Variants in HELB observed in about 807,000 individuals in gnomAD.
HELB encodes the protein DNA 5'-3' helicase B.
Under a neutral mutation model 101.7 loss-of-function variants are expected in HELB, and 96 were observed. That is an observed-to-expected ratio of 0.94 (90% CI 0.80 to 1.12). The LOEUF (loss-of-function observed/expected upper bound fraction) is 1.12, where lower values mean the gene tolerates loss of function less well. Ranked by LOEUF, HELB falls within the 50% of genes most tolerant of loss-of-function variation. The pLI is 0.00. For missense variants in HELB, 1,210 were observed against 1,291.9 expected, an observed-to-expected ratio of 0.94 and a Z score of 0.97; for synonymous variants, 437 against 459.7, an observed-to-expected ratio of 0.95 and a Z score of 0.63.
intron 1 of HELB, among the ~76,000 whole-genome samples, chr12:66,303,628 C>T (rs1336201605): frequency 6.6e-6 from 1 of 152,014 alleles, no homozygotes; most frequent in Non-Finnish European, 1.5e-5. Flanking sequence ...AATGAAACTC[C>T]ATCTCAAAAA....
chr12:66,316,786 G>A (rs998354843), intron 6 of HELB, among the ~76,000 whole-genome samples: 8 of 151,804 alleles, frequency 5.3e-5, no homozygotes, highest in Non-Finnish European at 8.8e-5. Context: ...TTGGGAGGCC[G>A]AGGCGGGTGG....
At chr12:66,327,288 C>T (rs2053753086) in intron 11 of HELB, among the ~76,000 whole-genome samples, 1 of 151,472 alleles carries the variant, frequency 6.6e-6, no homozygotes, top group Non-Finnish European at 1.5e-5. Context: ...GAATTTCTTC[C>T]GTGGATCTCT....
Position 66,331,479 on chromosome 12 carries a change from C to A in HELB, c.2996C>A (p.Thr999Asn). 1 of 1,614,164 alleles carries A rather than the reference C, an allele frequency of 6.2e-7. No individual in the cohort carries two copies. The stretch of plus-strand genomic sequence containing the variant: ...GACCACGCCATGACAAATGATGTCA[C>A]CTGGAGCGAGGCCTCTTCGCCTGAT... ...VTDHAMTNDV[T>N]WSEASSPDER... The change falls in exon 12 of 13, where the codon ACC (threonine) becomes AAC (asparagine). Residue 999 changes from threonine (T) to asparagine (N), a missense_variant. This residue lies in a region of HELB where 740 missense variants were observed against 728.8 expected (regional missense o/e 1.02). Coordinates refer to ENST00000247815, the MANE Select transcript of HELB (RefSeq NM_001370285.1).
At chr12:66,305,907 C>G (rs2053469775) in intron 2 of HELB, among the ~76,000 whole-genome samples, 1 of 152,038 alleles carries the variant, frequency 6.6e-6, no homozygotes, top group African/African-American at 2.4e-5. Context: ...TGGAATATTT[C>G]ATTTCCTAAT....
At chr12:66,325,184 C>T (rs1296362271) in intron 11 of HELB, 58 bp downstream of exon 11, 2 of 1,264,140 alleles carry the variant, frequency 1.6e-6, no homozygotes, top group South Asian at 1.4e-5. Flanking sequence ...GAGCGCCTTG[C>T]ATTGTTTTCG....
downstream of HELB, chr12:66,342,687 C>A (rs1168300): frequency 0.48 from 72,476 of 149,970 alleles, 17,835 homozygotes; most frequent in East Asian, 0.58. Context: ...CGATTCATGC[C>A]TCTTTTTTCT....
chr12:66,338,458 A>G, downstream of HELB: 1 of 183,060 alleles, frequency 5.5e-6, no homozygotes, highest in South Asian at 1.2e-4. Context: ...CCTGACCAAC[A>G]TGGTGAAACC....
intron 11 of HELB, among the ~76,000 whole-genome samples, chr12:66,326,328 C>T (rs1286131245): frequency 2.6e-5 from 4 of 151,956 alleles, no homozygotes; most frequent in Non-Finnish European, 4.4e-5. Flanking sequence ...CTGTAAGTTC[C>T]GCCTCCCAGG....
intron 3 of HELB, among the ~76,000 whole-genome samples, chr12:66,308,367 A>T (rs1406547181): frequency 6.6e-6 from 1 of 152,182 alleles, no homozygotes; most frequent in Non-Finnish European, 1.5e-5. Context: ...TCTCCTGTCC[A>T]GTCACTCTTC....
chr12:66,338,844 C>T (rs559930610), downstream of HELB: 3 of 152,304 alleles, frequency 2.0e-5, no homozygotes, highest in African/African-American at 4.8e-5. Context: ...GAAATGTGGT[C>T]ATTTTACAAG....
intron 11 of HELB, among the ~76,000 whole-genome samples, chr12:66,326,284 C>T (rs2053736233): frequency 6.6e-6 from 1 of 151,824 alleles, no homozygotes; most frequent in Admixed American, 6.6e-5. Flanking sequence ...GCTGTGTCGC[C>T]CAGGCTGGAG....
In HELB at chr12:66,315,286, A is replaced by G; in HGVS notation, c.1903A>G (p.Lys635Glu). 2 of 1,609,350 alleles carry G rather than the reference A, an allele frequency of 1.2e-6. No individual in the cohort carries two copies. The highest frequency in any genetic ancestry group is 1.7e-6 in the Non-Finnish European group (2 of 1,177,688). ...CAGTATTGAACCTGGTAACTTGCTGAAAGATCTTTTTGAGACTCTTAAGTC... is the reference window on the plus strand; with the variant it reads ...CAGTATTGAACCTGGTAACTTGCTGGAAGATCTTTTTGAGACTCTTAAGTC... The part of the protein sequence containing the change: ...LPSIEPGNLL[K>E]DLFETLKSRN... The change falls in exon 6 of 13, where the codon AAA becomes GAA. Residue 635 changes from lysine to glutamate, a missense_variant. By Grantham distance (56) the Lys-to-Glu change is moderately conservative. This residue lies in a region of HELB where 740 missense variants were observed against 728.8 expected (regional missense o/e 1.02). Transcript: ENST00000247815.
chr12:66,319,798 G>A (rs936513927), intron 7 of HELB, among the ~76,000 whole-genome samples: 3 of 151,650 alleles, frequency 2.0e-5, no homozygotes, highest in Admixed American at 6.6e-5. Flanking sequence ...CTCACTTCCC[G>A]TGGGTTAGTG....
intron 11 of HELB, among the ~76,000 whole-genome samples, chr12:66,330,413 T>A (rs552752194): frequency 6.6e-6 from 1 of 151,988 alleles, no homozygotes; most frequent in East Asian, 1.9e-4. Flanking sequence ...TAATAAAAAA[T>A]TTGGTAGAAT....
chr12:66,338,597 G>A, downstream of HELB: 1 of 152,432 alleles, frequency 6.6e-6, no homozygotes, highest in Non-Finnish European at 1.5e-5. Flanking sequence ...AGCTGAGATT[G>A]CACCATTGCA....
chr12:66,305,567 C>T (rs904528161), intron 2 of HELB, among the ~76,000 whole-genome samples: 22 of 151,840 alleles, frequency 1.4e-4, no homozygotes, highest in Admixed American at 1.4e-3. Context: ...TGTAGTGAGA[C>T]CTTGTCTCTA....
At chr12:66,306,208 A>C (rs1270005149) in intron 2 of HELB, 137 bp from the exon 3 acceptor site, 2 of 527,116 alleles carry the variant, frequency 3.8e-6, no homozygotes, top group Non-Finnish European at 6.3e-6. Context: ...AAATTTTCTT[A>C]CTGGTTAAAG....
chr12:66,338,148 C>A lies in HELB; in HGVS notation c.*46C>A, dbSNP rs776805360. The A allele has an allele frequency of 5.7e-5, 62 of 1,089,712 alleles. No individual in the cohort carries two copies. The highest frequency in any genetic ancestry group is 4.5e-4 in the South Asian group (35 of 78,214). The allele number at this position is 1,089,712 out of a possible 1,614,324, so 67.5% of individuals were successfully genotyped here. On this transcript the variant is annotated 3_prime_UTR_variant, in exon 13 of 13. Coordinates refer to ENST00000247815, the MANE Select transcript of HELB (RefSeq NM_001370285.1). Reference sequence around the variant, plus strand: ...AGTAACTATGTTTTTCTATTGGAGACAAAATGAACATCGTAACGTCAAAGT... The same window carrying A: ...AGTAACTATGTTTTTCTATTGGAGAAAAAATGAACATCGTAACGTCAAAGT...
Position 66,331,311 on chromosome 12 carries a change from G to T in HELB, c.2828G>T (p.Arg943Ile). Reference sequence around the variant, plus strand: ...GCCATTATGAAAAACAGTTTTCCTAGAAAAACTCGTTTGAAACATTTCTTG... The same window carrying T: ...GCCATTATGAAAAACAGTTTTCCTATAAAAACTCGTTTGAAACATTTCTTG... ...RNAIMKNSFP[R>I]KTRLKHFLQS... is the part of the protein sequence containing the mutation. Residue 943 changes from arginine to isoleucine, a missense_variant, in exon 12 of 13, where the codon AGA (arginine) becomes ATA (isoleucine). This residue lies in a region of HELB where 740 missense variants were observed against 728.8 expected (regional missense o/e 1.02). Coordinates refer to ENST00000247815, the MANE Select transcript of HELB (RefSeq NM_001370285.1). 6.2e-7 allele frequency: 1 copy of T among 1,614,150 alleles called. No homozygotes were observed. The highest frequency in any genetic ancestry group is 1.1e-5 in the South Asian group (1 of 91,086).
Sources: gnomAD v4.1 joint callset for allele counts (sites outside exome capture counted in the v4.1 genomes callset) on GRCh38, gnomAD v4.1.1 for gene constraint, gnomAD v4.1.1 regional missense constraint, MANE v1.5 for transcripts, NCBI Gene and HGNC (gene_info 2026-07-23, HGNC 2026-07-21) for gene names.